SCAF11: variants seen among roughly 807,000 people sequenced by gnomAD.
SCAF11 encodes SR-related CTD associated factor 11.
SCAF11 carries 47 observed loss-of-function variants against 140.5 expected under a neutral mutation model. The observed-to-expected ratio is 0.33, with a 90% CI of 0.26 to 0.43. The LOEUF (loss-of-function observed/expected upper bound fraction) is 0.43. Ranked by LOEUF, SCAF11 falls within the 20% of genes least tolerant of loss-of-function variation. The pLI is 1.00. For missense variants in SCAF11, 1,645 were observed against 1,705.1 expected, an observed-to-expected ratio of 0.96 and a Z score of 0.62; for synonymous variants, 557 against 579.4, an observed-to-expected ratio of 0.96 and a Z score of 0.55.
At chr12:45,982,366 C>G (rs866588096) in intron 1 of SCAF11, among the ~76,000 whole-genome samples, 1 of 152,062 alleles carries the variant, frequency 6.6e-6, no homozygotes, top group Non-Finnish European at 1.5e-5. Flanking sequence ...TCTTGACAAG[C>G]CATCTAGGCA....
intron 3 of SCAF11, chr12:45,955,586 T>A (rs1256280728): frequency 2.0e-5 from 3 of 152,842 alleles, no homozygotes; most frequent in Admixed American, 1.3e-4. Flanking sequence ...TGTGAGGTTT[T>A]AAAAGTTCAC....
At chr12:45,930,440 G>GTT (rs1945013237) in intron 10 of SCAF11, among the ~76,000 whole-genome samples, 1 of 140,442 alleles carries the variant, frequency 7.1e-6, no homozygotes, top group African/African-American at 2.8e-5. Context: ...TTTGCGTTGT[G>GTT]TTTTGTTTTT....
chr12:45,944,519 G>C (rs962526767), intron 6 of SCAF11, among the ~76,000 whole-genome samples: 2 of 152,152 alleles, frequency 1.3e-5, no homozygotes, highest in African/African-American at 4.8e-5. Context: ...TAATTTACTA[G>C]TTCTAGCTGT....
At chr12:45,984,955 A>G (rs1409738837) in intron 1 of SCAF11, among the ~76,000 whole-genome samples, 2 of 152,166 alleles carry the variant, frequency 1.3e-5, no homozygotes, top group African/African-American at 4.8e-5. Flanking sequence ...TTGGCCTCCC[A>G]AAGTGCTGGG....
At chr12:45,942,154 G>A (rs979505815) in intron 6 of SCAF11, among the ~76,000 whole-genome samples, 4 of 152,204 alleles carry the variant, frequency 2.6e-5, no homozygotes, top group Non-Finnish European at 5.9e-5. Context: ...AAGGTTTCCA[G>A]TCAACAGGAG....
chr12:45,991,380 C>G (rs1306855220), upstream of SCAF11, among the ~76,000 whole-genome samples: 1 of 152,150 alleles, frequency 6.6e-6, no homozygotes, highest in Non-Finnish European at 1.5e-5. Context: ...GCTTGAGCGA[C>G]GTATTAAGAT....
chr12:45,931,484 A>G, intron 10 of SCAF11, 22 bp downstream of exon 10: 3 of 1,202,780 alleles, frequency 2.5e-6, no homozygotes, highest in Non-Finnish European at 3.4e-6. Context: ...TTTAAAATAG[A>G]AAATGATTTC....
At chr12:45,972,901 T>TATAG (rs1555171407) in intron 1 of SCAF11, among the ~76,000 whole-genome samples, 1,116 of 26,422 alleles carry the variant, frequency 0.042, 112 homozygotes, top group African/African-American at 0.16. Context: ...TAGATATATA[T>TATAG]ATATATAGAT....
At chr12:45,972,638 T>C (rs553904706) in intron 1 of SCAF11, among the ~76,000 whole-genome samples, 42 of 148,024 alleles carry the variant, frequency 2.8e-4, no homozygotes, top group African/African-American at 9.6e-4. Flanking sequence ...ACATCAACAT[T>C]TTCCATAGCA....
chr12:45,927,221 C>T lies in SCAF11; in HGVS notation c.2480G>A (p.Ser827Asn). 1 of 1,614,128 alleles carries T rather than the reference C, an allele frequency of 6.2e-7. No individual in the cohort carries two copies. Among genetic ancestry groups the T allele is most frequent in the South Asian group, 1.1e-5 (1 of 91,078 alleles). The change falls in exon 11 of 15, where the codon AGC becomes AAC. Residue 827 changes from serine (S) to asparagine (N), a missense_variant. By Grantham distance (46) the Ser-to-Asn change is conservative. This residue lies in a region of SCAF11 where 1,582 missense variants were observed against 1,609.2 expected (regional missense o/e 0.98). Transcript: ENST00000369367. The part of the protein sequence containing the change: ...PSPRRETGKE[S>N]RKSQSPSPKN... ...AGGAGATGGTGATTGAGACTTCCTG[C>T]TTTCTTTCCCAGTTTCTCTTCTGGG... is the stretch of plus-strand genomic sequence containing the variant.
At chr12:45,976,236 T>C (rs1325813762) in intron 1 of SCAF11, among the ~76,000 whole-genome samples, 2 of 152,214 alleles carry the variant, frequency 1.3e-5, no homozygotes, top group Non-Finnish European at 2.9e-5. Flanking sequence ...TTTAAGTATG[T>C]ATAATTCTTA....
intron 5 of SCAF11, among the ~76,000 whole-genome samples, chr12:45,947,873 CATT>C (rs1421890866): frequency 2.6e-5 from 4 of 151,914 alleles, no homozygotes; most frequent in African/African-American, 9.7e-5. Flanking sequence ...GACAGGGTCT[CATT>C]ATGTTGCCTA....
chr12:45,990,924 G>T (rs1946592194), upstream of SCAF11, among the ~76,000 whole-genome samples: 1 of 152,260 alleles, frequency 6.6e-6, no homozygotes, highest in Non-Finnish European at 1.5e-5. Context: ...TGCGCAGCGC[G>T]TGGACTTTGG....
In SCAF11 at chr12:45,990,403, C is replaced by T. The variant is rs1339145988; in HGVS notation, c.-72G>A. ...TCCGGCCGCGGCCCCACAGTAGGTT[C>T]CCAGGTCCCAGTCACTCCGCTGCCA... On this transcript the variant is annotated 5_prime_UTR_variant, in exon 1 of 15. Coordinates refer to ENST00000369367, the MANE Select transcript of SCAF11 (RefSeq NM_004719.3). The T allele has an allele frequency of 8.1e-7, 1 of 1,232,302 alleles. No homozygotes were observed. The highest frequency in any genetic ancestry group is 1.6e-5 in the African/African-American group (1 of 64,414). 76.3% of individuals were successfully genotyped at this position (1,232,302 alleles called of 1,614,324 possible).
chr12:45,982,423 G>A (rs1412021864), intron 1 of SCAF11, among the ~76,000 whole-genome samples: 3 of 152,016 alleles, frequency 2.0e-5, no homozygotes, highest in Middle Eastern at 3.4e-3. Context: ...ATCACCTATC[G>A]GGGCCGGGTA....
chr12:45,990,082 G>A (rs1183249009), intron 1 of SCAF11, among the ~76,000 whole-genome samples: 2 of 152,160 alleles, frequency 1.3e-5, no homozygotes, highest in East Asian at 1.9e-4. Context: ...GTGCGACAGA[G>A]AGGCGGCGGC....
At chr12:45,977,983 A>G (rs1444171057) in intron 1 of SCAF11, among the ~76,000 whole-genome samples, 1 of 152,204 alleles carries the variant, frequency 6.6e-6, no homozygotes, top group Non-Finnish European at 1.5e-5. Flanking sequence ...GACATCTATT[A>G]TGACTCCCAG....
chr12:45,920,252 C>G lies in SCAF11; in HGVS notation c.*1796G>C, dbSNP rs1391932748. 1 of 152,164 alleles carries G rather than the reference C, an allele frequency of 6.6e-6. No homozygotes were observed. The highest frequency in any genetic ancestry group is 2.4e-5 in the African/African-American group (1 of 41,450). 9.4% of individuals were successfully genotyped at this position (152,164 alleles called of 1,614,324 possible). ...ACTAGCACAATCATTATGGGACCAACATTTCAAAATATTTTGCCTATCAAA... is the reference window on the plus strand; with the variant it reads ...ACTAGCACAATCATTATGGGACCAAGATTTCAAAATATTTTGCCTATCAAA... On this transcript the variant is annotated 3_prime_UTR_variant, in exon 15 of 15. Transcript: ENST00000369367.
intron 3 of SCAF11, among the ~76,000 whole-genome samples, chr12:45,957,470 C>A (rs1046008303): frequency 6.6e-6 from 1 of 152,114 alleles, no homozygotes; most frequent in African/African-American, 2.4e-5. Flanking sequence ...TGTTTGACTT[C>A]TTCAAGAACT....
Sources: gnomAD v4.1 joint callset for allele counts (sites outside exome capture counted in the v4.1 genomes callset) on GRCh38, gnomAD v4.1.1 for gene constraint, gnomAD v4.1.1 regional missense constraint, MANE v1.5 for transcripts, NCBI Gene and HGNC (gene_info 2026-07-23, HGNC 2026-07-21) for gene names.